Variants in ZNRF1 observed in about 807,000 individuals in gnomAD.
ZNRF1 encodes the protein zinc and ring finger 1, also known as E3 ubiquitin-protein ligase ZNRF1.
A neutral mutation model predicts 18.4 loss-of-function variants in ZNRF1; 3 were observed. That is an observed-to-expected ratio of 0.16 (90% CI 0.07 to 0.42). The LOEUF is 0.42. ZNRF1 is among the 10% of genes least tolerant of loss of function. ZNRF1 has a pLI of 0.99. For synonymous variants in ZNRF1, 157 were observed against 144.2 expected (o/e 1.09, Z -0.64); for missense variants, 310 against 329.8 (o/e 0.94, Z 0.47).
chr16:75,064,558 A>AG lies in ZNRF1; in HGVS notation c.425-29011dup, dbSNP rs1296298473. Among the ~76,000 whole-genome samples, 19 of 147,114 alleles carry AG rather than the reference A, an allele frequency of 1.3e-4. 1 individual carries two copies. The South Asian group carries it at 1.7e-3, about 13-fold the overall frequency. ...GTGACAGAGTGAGACTCAGTCTCCG[A>AG]GGGAAAAAAAAAAAAAAAGCGTGCT... On this transcript the variant is annotated intron_variant, in intron 1 of 4. Coordinates refer to ENST00000335325, the MANE Select transcript of ZNRF1 (RefSeq NM_032268.5).
chr16:75,083,234 G>A (rs1298202832), intron 1 of ZNRF1, among the ~76,000 whole-genome samples: 3 of 152,216 alleles, frequency 2.0e-5, no homozygotes. Context: ...GGCAGTACTG[G>A]ATGCAGCCGA....
chr16:75,100,470 A>G (rs530687163), intron 2 of ZNRF1, among the ~76,000 whole-genome samples: 17 of 152,226 alleles, frequency 1.1e-4, no homozygotes, highest in Non-Finnish European at 2.2e-4. Context: ...CCTAAGCCTT[A>G]TCCTCATACC....
intron 1 of ZNRF1, among the ~76,000 whole-genome samples, chr16:75,020,952 A>G (rs2035139421): frequency 1.3e-5 from 2 of 152,204 alleles, no homozygotes; most frequent in South Asian, 4.1e-4. Context: ...AAAATCTTAA[A>G]TCAATATCTC....
intron 2 of ZNRF1, chr16:75,095,806 C>G: frequency 1.4e-6 from 2 of 1,430,754 alleles, no homozygotes; most frequent in South Asian, 1.5e-5. Flanking sequence ...CCATGTGTCC[C>G]CCTGTCCCCC....
At chr16:75,037,429 C>T (rs1466424521) in intron 1 of ZNRF1, among the ~76,000 whole-genome samples, 1 of 152,108 alleles carries the variant, frequency 6.6e-6, no homozygotes, top group African/African-American at 2.4e-5. Context: ...TCTCTGCCTC[C>T]TGGGTTCAAG....
At chr16:75,062,402 A>C (rs919070574) in intron 1 of ZNRF1, among the ~76,000 whole-genome samples, 1 of 152,230 alleles carries the variant, frequency 6.6e-6, no homozygotes, top group Non-Finnish European at 1.5e-5. Flanking sequence ...ACCTTTTGCT[A>C]AAGTTGGCAG....
At chr16:75,105,530 TCTTC>T (rs1408477455) in intron 3 of ZNRF1, 1 of 152,622 alleles carries the variant, frequency 6.6e-6, no homozygotes, top group African/African-American at 2.4e-5. Context: ...GCCCAGAGCT[TCTTC>T]CTGACACTCA....
At chr16:75,019,027 G>A (rs530659004) in intron 1 of ZNRF1, among the ~76,000 whole-genome samples, 260 of 152,060 alleles carry the variant, frequency 1.7e-3, no homozygotes, top group Non-Finnish European at 3.4e-3. Context: ...TTAGCCGGGC[G>A]TGGTGGCGCG....
At chr16:75,090,854 G>A (rs1291445639) in intron 1 of ZNRF1, among the ~76,000 whole-genome samples, 2 of 152,098 alleles carry the variant, frequency 1.3e-5, no homozygotes, top group Non-Finnish European at 2.9e-5. Flanking sequence ...TCAGCACCCC[G>A]GGCCACCAGA....
At chr16:75,093,351 C>T (rs1019757193) in intron 1 of ZNRF1, among the ~76,000 whole-genome samples, 1 of 150,918 alleles carries the variant, frequency 6.6e-6, no homozygotes, top group South Asian at 2.1e-4. Flanking sequence ...TGCCACTGCA[C>T]TCCAGCCTGG....
intron 2 of ZNRF1, among the ~76,000 whole-genome samples, chr16:75,102,592 G>A (rs2036266680): frequency 6.6e-6 from 1 of 152,132 alleles, no homozygotes; most frequent in African/African-American, 2.4e-5. Flanking sequence ...CTTTTCACCT[G>A]CCCTTCAAAT....
At chr16:75,095,347 T>G (rs1370091973) in intron 2 of ZNRF1, among the ~76,000 whole-genome samples, 1 of 152,110 alleles carries the variant, frequency 6.6e-6, no homozygotes, top group Non-Finnish European at 1.5e-5. Flanking sequence ...TTGTCACATG[T>G]GCTGCAGGCT....
Position 75,058,106 on chromosome 16 carries a change from C to CTT in ZNRF1, c.425-35451_425-35450dup, listed in dbSNP as rs35226969. On this transcript the variant is annotated intron_variant, in intron 1 of 4. Coordinates refer to ENST00000335325, the MANE Select transcript of ZNRF1 (RefSeq NM_032268.5). ...GACCTGCCCTTTTTCCTTTCCTTTT[C>CTT]TTTTTTTTTTTTTTTTAAATATTTT... Among the ~76,000 whole-genome samples, 62 of 140,246 alleles carry CTT rather than the reference C, an allele frequency of 4.4e-4. 1 individual carries two copies. Among genetic ancestry groups the CTT allele is most frequent in the Middle Eastern group, 7.5e-3 (2 of 266 alleles). 92.0% of individuals were successfully genotyped at this position (140,246 alleles called of 152,430 possible).
chr16:75,013,765 T>C (rs1567465798), intron 1 of ZNRF1, among the ~76,000 whole-genome samples: 8 of 152,368 alleles, frequency 5.3e-5, no homozygotes. Flanking sequence ...CTCAAATAGC[T>C]GTGTGACTCT....
intron 1 of ZNRF1, among the ~76,000 whole-genome samples, chr16:75,075,316 G>A (rs778281494): frequency 6.6e-6 from 1 of 152,234 alleles, no homozygotes; most frequent in Non-Finnish European, 1.5e-5. Flanking sequence ...TGGCAGGGGC[G>A]CCTGCAGTCT....
intron 1 of ZNRF1, among the ~76,000 whole-genome samples, chr16:75,030,885 G>A (rs2035293686): frequency 7.0e-6 from 1 of 143,060 alleles, no homozygotes; most frequent in Non-Finnish European, 1.5e-5. Flanking sequence ...CTGTCACCCA[G>A]GCTGGAGTGC....
chr16:75,107,638 C>G, intron 4 of ZNRF1, 95 bp from the exon 5 acceptor site: 1 of 451,150 alleles, frequency 2.2e-6, no homozygotes, highest in South Asian at 1.6e-5. Context: ...GTAGACGCCC[C>G]AGCCCCGCCT....
chr16:75,103,859 C>G (rs904675488), intron 2 of ZNRF1, among the ~76,000 whole-genome samples: 4 of 152,116 alleles, frequency 2.6e-5, no homozygotes, highest in African/African-American at 9.7e-5. Flanking sequence ...GTGGTGGGCG[C>G]CTGTAATCCT....
intron 1 of ZNRF1, among the ~76,000 whole-genome samples, chr16:75,034,156 C>G (rs1221157856): frequency 6.6e-6 from 1 of 152,082 alleles, no homozygotes; most frequent in African/African-American, 2.4e-5. Context: ...GGCTCCGTCT[C>G]AAAAACAAAA....
Sources: allele counts gnomAD v4.1 joint callset (sites outside exome capture counted in the v4.1 genomes callset), GRCh38; gene constraint gnomAD v4.1.1; transcripts MANE v1.5; gene names NCBI Gene and HGNC (gene_info 2026-07-23, HGNC 2026-07-21).